The following DCHS2 variants were observed in gnomAD, a reference collection of about 807,000 sequenced individuals.
The protein encoded by DCHS2 is dachsous cadherin-related 2, also known as protocadherin-23.
Under a neutral mutation model 182.4 loss-of-function variants are expected in DCHS2, and 142 were observed. The observed-to-expected ratio is 0.78, with a 90% CI of 0.68 to 0.89. The LOEUF is 0.89. Ranked by LOEUF, DCHS2 falls within the 40% of genes least tolerant of loss-of-function variation. DCHS2 has a pLI of 0.00. For synonymous variants in DCHS2, 1,740 were observed against 1,663.3 expected, an observed-to-expected ratio of 1.05 and a Z score of -1.12; for missense variants, 4,319 against 4,198.6, an observed-to-expected ratio of 1.03 and a Z score of -0.79.
intron 14 of DCHS2, 105 bp from the exon 15 acceptor site, chr4:154,259,861 C>A: frequency 7.8e-7 from 1 of 1,288,304 alleles, no homozygotes; most frequent in Non-Finnish European, 1.0e-6. Context: ...CTCGCACTGT[C>A]GCCCAGGCTG....
intron 14 of DCHS2, among the ~76,000 whole-genome samples, chr4:154,264,826 T>C (rs1342648702): frequency 6.6e-6 from 1 of 152,058 alleles, no homozygotes; most frequent in African/African-American, 2.4e-5. Context: ...TAAGAAAGAA[T>C]GGTTAGCAGA....
intron 10 of DCHS2, among the ~76,000 whole-genome samples, chr4:154,315,403 T>A (rs928547267): frequency 6.6e-6 from 1 of 152,174 alleles, no homozygotes; most frequent in Admixed American, 6.5e-5. Flanking sequence ...ACCATTTATC[T>A]TCTTCTTCTT....
intron 11 of DCHS2, 48 bp downstream of exon 11, chr4:154,305,049 A>T: frequency 6.6e-7 from 1 of 1,517,966 alleles, no homozygotes; most frequent in Non-Finnish European, 8.8e-7. Context: ...TTTTTTTTAA[A>T]TTTAATTTTT....
At chr4:154,340,615 T>C (rs903815927) in intron 3 of DCHS2, among the ~76,000 whole-genome samples, 2 of 152,232 alleles carry the variant, frequency 1.3e-5, no homozygotes, top group African/African-American at 4.8e-5. Flanking sequence ...TATTTTATCC[T>C]TGATACCACC....
intron 1 of DCHS2, among the ~76,000 whole-genome samples, chr4:154,456,092 A>G (rs1174131196): frequency 6.6e-6 from 1 of 152,114 alleles, no homozygotes; most frequent in East Asian, 1.9e-4. Context: ...TCCATTTAAA[A>G]AAAAAAAAAG....
chr4:154,372,430 T>C (rs1474950864), intron 2 of DCHS2, among the ~76,000 whole-genome samples: 2 of 152,166 alleles, frequency 1.3e-5, no homozygotes, highest in Non-Finnish European at 2.9e-5. Flanking sequence ...TAAAGAACAG[T>C]GAAGAGCTCA....
intron 1 of DCHS2, among the ~76,000 whole-genome samples, chr4:154,381,857 G>C (rs947393011): frequency 6.6e-6 from 1 of 152,108 alleles, no homozygotes; most frequent in Non-Finnish European, 1.5e-5. Flanking sequence ...TGGCCAGACT[G>C]TCTAAAGCAA....
At position 154,491,391 on chromosome 4, in the gene DCHS2, CT is replaced by C; in HGVS notation, c.-37del. The C allele has an allele frequency of 6.8e-7, 1 of 1,466,170 alleles. No homozygotes were observed. Among genetic ancestry groups the C allele is most frequent in the South Asian group, 1.4e-5 (1 of 70,602 alleles). 90.8% of individuals were successfully genotyped at this position (1,466,170 alleles called of 1,614,324 possible). A position where few individuals can be genotyped will look rare whatever the true frequency, so the allele number is the denominator to read the frequency against. ...GCTCCTTGGGAAGGCTCTCGGGTAA[CT>C]GCCAGCTTGTGGCAGGATCGCAGAA... On this transcript the variant is annotated 5_prime_UTR_variant, in exon 1 of 20. Coordinates refer to ENST00000357232, the MANE Select transcript of DCHS2 (RefSeq NM_001358235.2).
At chr4:154,274,360 G>A (rs1373601710) in intron 13 of DCHS2, among the ~76,000 whole-genome samples, 1 of 152,140 alleles carries the variant, frequency 6.6e-6, no homozygotes, top group Non-Finnish European at 1.5e-5. Flanking sequence ...CTCTGATAGA[G>A]AAGACAAATC....
At chr4:154,264,805 A>C (rs141022615) in intron 14 of DCHS2, among the ~76,000 whole-genome samples, 1 of 152,308 alleles carries the variant, frequency 6.6e-6, no homozygotes, top group Non-Finnish European at 1.5e-5. Context: ...ACTAGAAGAA[A>C]GGCTGAGATG....
In DCHS2 at chr4:154,490,545, C is replaced by G. The variant is rs1046254484; in HGVS notation, c.811G>C (p.Gly271Arg). 3 of 1,540,050 alleles carry G rather than the reference C, an allele frequency of 1.9e-6. No individual in the cohort carries two copies. The highest frequency in any genetic ancestry group is 1.2e-5 in the South Asian group (1 of 83,944). Residue 271 changes from glycine to arginine, a missense_variant, in exon 1 of 20, where the codon GGC becomes CGC. Physicochemically the swap from Gly to Arg is moderately radical, Grantham distance 125. Transcript: ENST00000357232. ...AGGCCGGTGCGCCGGGGTCGGCCGC[C>G]GTCCCATGCCTCGATCTGCAGCCGG... ...AHRLQIEAWDGGRPRRTGLLS... is the reference protein window; with the variant it reads ...AHRLQIEAWDRGRPRRTGLLS...
At chr4:154,346,399 C>T (rs1729362677) in intron 3 of DCHS2, among the ~76,000 whole-genome samples, 1 of 152,166 alleles carries the variant, frequency 6.6e-6, no homozygotes, top group Non-Finnish European at 1.5e-5. Context: ...CCTCTAGGTC[C>T]TGATGTACTA....
intron 13 of DCHS2, among the ~76,000 whole-genome samples, chr4:154,294,159 TGA>T (rs1164967869): frequency 3.9e-5 from 6 of 152,198 alleles, no homozygotes; most frequent in Non-Finnish European, 8.8e-5. Context: ...ATCATGATGG[TGA>T]AATGCTTTAG....
chr4:154,271,383 C>G (rs991176661), intron 13 of DCHS2, among the ~76,000 whole-genome samples: 2 of 152,148 alleles, frequency 1.3e-5, no homozygotes, highest in Non-Finnish European at 2.9e-5. Context: ...ACAGACAATG[C>G]ATAACCAAGG....
intron 1 of DCHS2, among the ~76,000 whole-genome samples, chr4:154,446,960 GCA>G (rs3063678): frequency 0.27 from 40,388 of 150,292 alleles, 6,295 homozygotes; most frequent in East Asian, 0.66. Context: ...TCATACACAC[GCA>G]CACACACACA....
At chr4:154,438,050 C>A (rs72725318) in intron 1 of DCHS2, among the ~76,000 whole-genome samples, 4 of 152,088 alleles carry the variant, frequency 2.6e-5, no homozygotes, top group Admixed American at 1.3e-4. Flanking sequence ...TGAAATTACT[C>A]CTCTCAGTCC....
At chr4:154,368,602 C>T (rs546575883) in intron 2 of DCHS2, among the ~76,000 whole-genome samples, 26 of 151,608 alleles carry the variant, frequency 1.7e-4, no homozygotes, top group Non-Finnish European at 3.1e-4. Context: ...CCGCAACCTG[C>T]GCCTCCCGGG....
intron 1 of DCHS2, among the ~76,000 whole-genome samples, chr4:154,454,767 A>G (rs1734696007): frequency 6.6e-6 from 1 of 152,216 alleles, no homozygotes; most frequent in Non-Finnish European, 1.5e-5. Context: ...AGTATTAACA[A>G]GTGATACCAG....
intron 3 of DCHS2, among the ~76,000 whole-genome samples, chr4:154,341,470 T>A (rs1478246255): frequency 2.6e-5 from 4 of 152,048 alleles, no homozygotes; most frequent in Admixed American, 2.6e-4. Flanking sequence ...AGTTTTCCGC[T>A]AGGTTTTAAA....
Sources: gnomAD v4.1 joint callset for allele counts (sites outside exome capture counted in the v4.1 genomes callset) on GRCh38, gnomAD v4.1.1 for gene constraint, MANE v1.5 for transcripts, NCBI Gene and HGNC (gene_info 2026-07-23, HGNC 2026-07-21) for gene names.